Variants in RO60 observed in about 807,000 individuals in gnomAD.
RO60 encodes the protein Ro60, Y RNA binding protein, also known as RNA-binding protein RO60.
In RO60, 20 loss-of-function variants were observed where a neutral mutation model predicts 55.3. That is an observed-to-expected ratio of 0.36 (90% CI 0.25 to 0.53). RO60 has a LOEUF of 0.53. Among genes scored for constraint, RO60 ranks in the 20% least tolerant of loss-of-function variants. The pLI is 0.92. For missense variants in RO60, 558 were observed against 646.6 expected (o/e 0.86, Z 1.49); for synonymous variants, 213 against 213.6 (o/e 1.00, Z 0.02).
At chr1:193,091,454 C>T, downstream of RO60, 1 of 489,000 alleles carries the variant, frequency 2.0e-6, no homozygotes, top group Non-Finnish European at 3.6e-6. Context: ...AAGGAGGGGA[C>T]AGGGAGCTTC....
At chr1:193,060,242 A>G (rs1672451095) in intron 1 of RO60, 1 of 535,392 alleles carries the variant, frequency 1.9e-6, no homozygotes, top group South Asian at 2.1e-5. Flanking sequence ...TGGGGCTGCT[A>G]GACTAGTGGA....
chr1:193,079,704 A>G (rs1311570951), intron 5 of RO60, among the ~76,000 whole-genome samples: 1 of 152,214 alleles, frequency 6.6e-6, no homozygotes, highest in Non-Finnish European at 1.5e-5. Context: ...TTTGCAGACC[A>G]TATGTCCGAT....
Position 193,085,677 on chromosome 1 carries a change from T to G in RO60, c.*946T>G. 3 of 977,160 alleles carry G rather than the reference T, an allele frequency of 3.1e-6. No individual in the cohort carries two copies. Among genetic ancestry groups the G allele is most frequent in the Non-Finnish European group, 3.6e-6 (3 of 822,438 alleles). The allele number at this position is 977,160 out of a possible 1,614,324, so 60.5% of individuals were successfully genotyped here. ...TTTTTCCTTACTTTTAAAATAAAATTTTTTACTTTTAACTATTTTTTTAGT... is the reference window on the plus strand; with the variant it reads ...TTTTTCCTTACTTTTAAAATAAAATGTTTTACTTTTAACTATTTTTTTAGT... On this transcript the variant is annotated 3_prime_UTR_variant, in exon 9 of 9. Coordinates refer to ENST00000400968, the MANE Select transcript of RO60 (RefSeq NM_001173524.2).
intron 1 of RO60, among the ~76,000 whole-genome samples, chr1:193,061,081 T>G (rs1672635890): frequency 6.6e-6 from 1 of 152,242 alleles, no homozygotes; most frequent in Non-Finnish European, 1.5e-5. Context: ...TTAAGATGCC[T>G]TTCATTATGT....
chr1:193,084,647 A>C lies in RO60; in HGVS notation c.1533A>C (p.Pro511=). 1 of 1,614,020 alleles carries C rather than the reference A, an allele frequency of 6.2e-7. No homozygotes were observed. The change falls in exon 9 of 9, where the codon CCA becomes CCC. Residue 511 remains proline (P), a synonymous_variant. Transcript: ENST00000400968. ...CAAATGGTTTCACCATTGCAGACCC[A>C]GATGATAGAGGCATGTTGGATATGT... ...MTSNGFTIAD[P]DDRGMLDMCG...
Position 193,084,823 on chromosome 1 carries a change from A to C in RO60, c.*92A>C. ...TTCCCAGCTAATCTCCACCCAATGA[A>C]TGATGATGGTATAGTATGTGCATAA... is the stretch of plus-strand genomic sequence containing the variant. On this transcript the variant is annotated 3_prime_UTR_variant, in exon 9 of 9. Transcript: ENST00000400968. 6.5e-7 allele frequency: 1 copy of C among 1,542,694 alleles called. No individual in the cohort carries two copies. The highest frequency in any genetic ancestry group is 8.7e-7 in the Non-Finnish European group (1 of 1,151,152).
chr1:193,071,315 T>G (rs1342475911), intron 2 of RO60, among the ~76,000 whole-genome samples: 1 of 152,210 alleles, frequency 6.6e-6, no homozygotes, highest in African/African-American at 2.4e-5. Context: ...GATGTTGTAA[T>G]TTACTCCAGA....
chr1:193,083,821 C>T (rs1041782284), intron 8 of RO60, among the ~76,000 whole-genome samples: 4 of 152,130 alleles, frequency 2.6e-5, no homozygotes, highest in Admixed American at 6.5e-5. Flanking sequence ...TCATAGCTTA[C>T]TGTAACTTGA....
At chr1:193,067,315 G>A (rs1174523891) in intron 1 of RO60, among the ~76,000 whole-genome samples, 1 of 150,006 alleles carries the variant, frequency 6.7e-6, no homozygotes, top group Non-Finnish European at 1.5e-5. Flanking sequence ...CCTCCCTCCT[G>A]AGTAGCTGGG....
intron 5 of RO60, among the ~76,000 whole-genome samples, chr1:193,081,035 CA>C (rs1242023570): frequency 6.6e-6 from 1 of 151,980 alleles, no homozygotes; most frequent in African/African-American, 2.4e-5. Flanking sequence ...TATTTTACCA[CA>C]ATAAAAATTT....
rs766551638 is a variant in RO60, at chr1:193,076,482, G to A, written c.802-19G>A. ...TTTTCCCTTAATTCCTGGTATTTCTGCCTATGTTATTGCAATAGGTATGGA... is the reference window on the plus strand; with the variant it reads ...TTTTCCCTTAATTCCTGGTATTTCTACCTATGTTATTGCAATAGGTATGGA... On this transcript the variant is annotated intron_variant, in intron 3 of 8. Transcript: ENST00000400968. The A allele has an allele frequency of 6.2e-7, 1 of 1,605,086 alleles. No homozygotes were observed. Among genetic ancestry groups the A allele is most frequent in the Non-Finnish European group, 8.5e-7 (1 of 1,177,072 alleles).
rs1402116256 is a variant in RO60 at position 193,088,807 on chromosome 1, T to A, written c.*4076T>A. On this transcript the variant is annotated 3_prime_UTR_variant, in exon 9 of 9. Transcript: ENST00000400968. ...AGTTGTATTTACTGTTTGGATTTTA[T>A]TTAGTGTTTCCTTGATGTCTGTTTC... 1 of 152,230 alleles carries A rather than the reference T, an allele frequency of 6.6e-6. No individual in the cohort carries two copies. The highest frequency in any genetic ancestry group is 1.5e-5 in the Non-Finnish European group (1 of 68,030). 9.4% of individuals were successfully genotyped at this position (152,230 alleles called of 1,614,324 possible).
rs1202555379 is a variant in RO60, at chr1:193,075,360, C to T, written c.581-460C>T. Among the ~76,000 whole-genome samples, 3 of 150,604 alleles carry T rather than the reference C, an allele frequency of 2.0e-5. No individual in the cohort carries two copies. The South Asian group carries it at 6.3e-4, about 32-fold the overall frequency. On this transcript the variant is annotated intron_variant, in intron 2 of 8. Transcript: ENST00000400968. ...ATAGTGTAAAAGAAGCTACCCTGTCCACTTCTACTTATTTCTGCTGTTTTT... is the reference window on the plus strand; with the variant it reads ...ATAGTGTAAAAGAAGCTACCCTGTCTACTTCTACTTATTTCTGCTGTTTTT...
At chr1:193,077,345 T>C (rs1673994267) in intron 5 of RO60, among the ~76,000 whole-genome samples, 3 of 152,120 alleles carry the variant, frequency 2.0e-5, no homozygotes, top group Admixed American at 1.3e-4. Flanking sequence ...TGAGACTGAG[T>C]AGTTTATAAA....
intron 8 of RO60, among the ~76,000 whole-genome samples, chr1:193,084,332 T>A (rs1008001557): frequency 1.3e-5 from 2 of 152,214 alleles, no homozygotes; most frequent in African/African-American, 4.8e-5. Context: ...TAATGTACAC[T>A]GCAGCCCATA....
At chr1:193,071,889 G>T (rs2103041115) in intron 2 of RO60, among the ~76,000 whole-genome samples, 1 of 149,680 alleles carries the variant, frequency 6.7e-6, no homozygotes, top group African/African-American at 2.4e-5. Flanking sequence ...ATATGTATGT[G>T]TGTGTATATA....
Position 193,059,908 on chromosome 1 carries a change from C to A in RO60, c.-22+132C>A. The A allele has an allele frequency of 7.3e-7, 1 of 1,365,932 alleles. No individual in the cohort carries two copies. The highest frequency in any genetic ancestry group is 9.8e-7 in the Non-Finnish European group (1 of 1,021,642). The allele number at this position is 1,365,932 out of a possible 1,614,324, so 84.6% of individuals were successfully genotyped here. A position where few individuals can be genotyped will look rare whatever the true frequency, so the allele number is the denominator to read the frequency against. ...CTGGGCAAACGCCGCGAAACTATCG[C>A]TCTTCCCCGTCCCGCTTCCGCGCCT... On this transcript the variant is annotated intron_variant, in intron 1 of 8. Transcript: ENST00000400968. The surrounding 1 kb of genome is among the most constrained non-coding windows in gnomAD (Gnocchi z 4.9).
rs963720318 is a variant in RO60 at position 193,069,455 on chromosome 1, A to G, written c.401A>G (p.Asp134Gly). 1 of 1,614,108 alleles carries G rather than the reference A, an allele frequency of 6.2e-7. No homozygotes were observed. The highest frequency in any genetic ancestry group is 8.5e-7 in the Non-Finnish European group (1 of 1,180,044). Residue 134 changes from aspartate (D) to glycine (G), a missense_variant, in exon 2 of 9, where the codon GAT becomes GGT. Transcript: ENST00000400968. ...HLFTFIQFKK[D>G]LKESMKCGMW... ...TTTACTTTTATCCAGTTTAAGAAAG[A>G]TCTGAAGGAAAGCATGAAATGTGGC...
intron 1 of RO60, among the ~76,000 whole-genome samples, chr1:193,060,671 T>TA (rs1269762518): frequency 6.6e-6 from 1 of 152,164 alleles, no homozygotes; most frequent in African/African-American, 2.4e-5. Flanking sequence ...GCTTTTGTAT[T>TA]AAAAGGAGCC....
Sources: allele counts gnomAD v4.1 joint callset (sites outside exome capture counted in the v4.1 genomes callset), GRCh38; gene constraint gnomAD v4.1.1; non-coding constraint Gnocchi (gnomAD v3.1); transcripts MANE v1.5; gene names NCBI Gene and HGNC (gene_info 2026-07-23, HGNC 2026-07-21).